AGBL4: variants seen among roughly 807,000 people sequenced by gnomAD.
AGBL4 encodes AGBL carboxypeptidase 4.
AGBL4 carries 58 observed loss-of-function variants against 66.4 expected under a neutral mutation model. That is an observed-to-expected ratio of 0.87 (90% confidence interval 0.71 to 1.09). The LOEUF (loss-of-function observed/expected upper bound fraction) is 1.09, where lower values mean the gene tolerates loss of function less well. Ranked by LOEUF, AGBL4 falls within the 50% of genes least tolerant of loss-of-function variation. AGBL4 has a pLI of 0.00. For missense variants in AGBL4, 579 were observed against 631.0 expected (o/e 0.92, Z 0.88); for synonymous variants, 234 against 222.9 (o/e 1.05, Z -0.44).
At chr1:49,542,640 A>C (rs1444229553) in intron 3 of AGBL4, among the ~76,000 whole-genome samples, 1 of 152,148 alleles carries the variant, frequency 6.6e-6, no homozygotes, top group African/African-American at 2.4e-5. Context: ...TGTCACACCT[A>C]TAATTCCAGC....
chr1:49,937,132 A>G (rs1490609497), intron 1 of AGBL4, among the ~76,000 whole-genome samples: 2 of 152,164 alleles, frequency 1.3e-5, no homozygotes, highest in African/African-American at 4.8e-5. Flanking sequence ...TCAAAATAAA[A>G]GGATGGAGGA....
At chr1:49,238,450 C>T (rs909813538) in intron 4 of AGBL4, among the ~76,000 whole-genome samples, 1 of 152,140 alleles carries the variant, frequency 6.6e-6, no homozygotes, top group African/African-American at 2.4e-5. Context: ...TCTCTGTCTT[C>T]TGTACTCAGC....
At chr1:49,810,767 T>C (rs1320800711) in intron 2 of AGBL4, among the ~76,000 whole-genome samples, 1 of 152,100 alleles carries the variant, frequency 6.6e-6, no homozygotes, top group Non-Finnish European at 1.5e-5. Context: ...TTAAAAGGCA[T>C]TGGGAAGTTA....
At chr1:49,641,238 G>A (rs938150116) in intron 3 of AGBL4, among the ~76,000 whole-genome samples, 36 of 152,182 alleles carry the variant, frequency 2.4e-4, no homozygotes, top group African/African-American at 8.4e-4. Flanking sequence ...ATATGTTTAG[G>A]TCAAAATAAC....
chr1:49,104,761 G>A (rs1356834274), intron 4 of AGBL4, among the ~76,000 whole-genome samples: 1 of 152,130 alleles, frequency 6.6e-6, no homozygotes. Flanking sequence ...GCATGAACGG[G>A]CTCCAGGAGG....
chr1:49,793,911 G>A (rs1644667977), intron 2 of AGBL4, among the ~76,000 whole-genome samples: 1 of 151,876 alleles, frequency 6.6e-6, no homozygotes. Context: ...GTGAGTTATT[G>A]AAGAATCCAA....
chr1:49,679,762 A>C (rs1173309134), intron 3 of AGBL4, among the ~76,000 whole-genome samples: 1 of 152,144 alleles, frequency 6.6e-6, no homozygotes, highest in Non-Finnish European at 1.5e-5. Context: ...TGGTTGCTCT[A>C]GGTAGCATAC....
intron 5 of AGBL4, among the ~76,000 whole-genome samples, chr1:48,990,218 TA>T (rs1394630939): frequency 2.6e-5 from 4 of 152,204 alleles, no homozygotes; most frequent in Non-Finnish European, 5.9e-5. Flanking sequence ...TGCTTATTTT[TA>T]AATTGGATTA....
At chr1:49,614,493 A>G (rs1011226440) in intron 3 of AGBL4, among the ~76,000 whole-genome samples, 2 of 152,218 alleles carry the variant, frequency 1.3e-5, no homozygotes, top group African/African-American at 4.8e-5. Context: ...TTTGACTATG[A>G]AAAAAGTACC....
intron 11 of AGBL4, among the ~76,000 whole-genome samples, chr1:48,542,597 G>A (rs1164037001): frequency 6.6e-6 from 1 of 152,220 alleles, no homozygotes; most frequent in African/African-American, 2.4e-5. Context: ...GACCAGTGAT[G>A]ATGAGCTTTT....
At chr1:49,704,766 CTG>C (rs1647172295) in intron 2 of AGBL4, among the ~76,000 whole-genome samples, 1 of 152,212 alleles carries the variant, frequency 6.6e-6, no homozygotes, top group Non-Finnish European at 1.5e-5. Context: ...TCTGAGGCCT[CTG>C]TTCTGTTCCA....
intron 6 of AGBL4, among the ~76,000 whole-genome samples, chr1:48,825,051 G>A (rs1011800946): frequency 3.9e-5 from 6 of 152,222 alleles, no homozygotes; most frequent in Admixed American, 3.9e-4. Context: ...TTTGGCACAT[G>A]GGAGATGCTC....
chr1:49,006,213 G>A (rs1453569254), intron 5 of AGBL4, among the ~76,000 whole-genome samples: 1 of 152,308 alleles, frequency 6.6e-6, no homozygotes, highest in South Asian at 2.1e-4. Context: ...GCCTCACTCG[G>A]GAAGCGCAAG....
chr1:49,742,126 T>C (rs1021351095), intron 2 of AGBL4, among the ~76,000 whole-genome samples: 3 of 152,162 alleles, frequency 2.0e-5, no homozygotes, highest in African/African-American at 4.8e-5. Flanking sequence ...TGTTTGCAGA[T>C]GACATGATTG....
intron 7 of AGBL4, 119 bp from the exon 8 acceptor site, chr1:48,653,570 G>C (rs1234826539): frequency 1.5e-6 from 1 of 678,460 alleles, no homozygotes; most frequent in Admixed American, 2.5e-5. Flanking sequence ...TGTTGTTATT[G>C]GCCACTGTGG....
At chr1:49,805,836 C>T (rs1165973684) in intron 2 of AGBL4, among the ~76,000 whole-genome samples, 1 of 152,174 alleles carries the variant, frequency 6.6e-6, no homozygotes, top group Admixed American at 6.5e-5. Flanking sequence ...GAAACAGAAA[C>T]TGGGCCTTTA....
chr1:49,538,657 A>C (rs1473554953), intron 3 of AGBL4, among the ~76,000 whole-genome samples: 1 of 152,210 alleles, frequency 6.6e-6, no homozygotes, highest in African/African-American at 2.4e-5. Flanking sequence ...TCATAAAAGG[A>C]CAATTTACCA....
At chr1:49,820,839 A>G (rs2147992011) in intron 2 of AGBL4, among the ~76,000 whole-genome samples, 1 of 152,306 alleles carries the variant, frequency 6.6e-6, no homozygotes, top group Admixed American at 6.5e-5. Flanking sequence ...TGAACTCCAG[A>G]TTCTGCCACT....
chr1:48,689,333 C>A (rs1054188514), intron 6 of AGBL4, among the ~76,000 whole-genome samples: 1 of 151,964 alleles, frequency 6.6e-6, no homozygotes, highest in African/African-American at 2.4e-5. Context: ...ACAGCTGCAA[C>A]ACAAGCCAGA....
Sources: allele counts gnomAD v4.1 joint callset (sites outside exome capture counted in the v4.1 genomes callset), GRCh38; gene constraint gnomAD v4.1.1; transcripts MANE v1.5; gene names NCBI Gene and HGNC (gene_info 2026-07-23, HGNC 2026-07-21).